The following GMDS variants were observed in gnomAD, a reference collection of about 807,000 sequenced individuals.
The protein encoded by GMDS is GDP-mannose 4,6-dehydratase, also known as GDP-mannose 4,6 dehydratase.
GMDS carries 20 observed loss-of-function variants against 49.9 expected under a neutral mutation model. The ratio of observed to expected loss-of-function variants is 0.40; its 90% CI spans 0.28 to 0.58. The LOEUF (loss-of-function observed/expected upper bound fraction) is 0.58. GMDS is among the 20% of genes least tolerant of loss of function. The pLI is 0.42. For missense variants in GMDS, 362 were observed against 481.4 expected (o/e 0.75, Z 2.32); for synonymous variants, 177 against 178.6 (o/e 0.99, Z 0.07).
chr6:1,629,912 A>G (rs1762949981), intron 9 of GMDS, among the ~76,000 whole-genome samples: 3 of 152,188 alleles, frequency 2.0e-5, no homozygotes, highest in Admixed American at 2.0e-4. Context: ...CGGCTAGTAC[A>G]GTAGAGCTTT....
At chr6:2,141,744 C>T (rs924868940) in intron 1 of GMDS, among the ~76,000 whole-genome samples, 4 of 152,204 alleles carry the variant, frequency 2.6e-5, no homozygotes, top group African/African-American at 9.6e-5. Context: ...AATACAGCAT[C>T]TCTGACCACA....
intron 4 of GMDS, among the ~76,000 whole-genome samples, chr6:2,019,980 AAT>A (rs1236694328): frequency 1.3e-5 from 2 of 152,126 alleles, no homozygotes; most frequent in Non-Finnish European, 2.9e-5. Flanking sequence ...TGCTTGATTC[AAT>A]CTGTTAATAT....
intron 9 of GMDS, among the ~76,000 whole-genome samples, chr6:1,669,348 T>C (rs900255247): frequency 1.3e-5 from 2 of 152,174 alleles, no homozygotes; most frequent in Non-Finnish European, 2.9e-5. Flanking sequence ...ACTCTGAGTC[T>C]ACACTCTGGA....
At chr6:1,991,166 G>T (rs1765914162) in intron 4 of GMDS, among the ~76,000 whole-genome samples, 1 of 151,952 alleles carries the variant, frequency 6.6e-6, no homozygotes, top group Admixed American at 6.5e-5. Flanking sequence ...CTCAAATGCT[G>T]TACTTGGATA....
chr6:2,142,715 C>T (rs1411689913), intron 1 of GMDS, among the ~76,000 whole-genome samples: 1 of 152,184 alleles, frequency 6.6e-6, no homozygotes. Context: ...AGTGGACTAA[C>T]ACAAGACCAA....
At chr6:2,105,539 C>A (rs1335272411) in intron 4 of GMDS, among the ~76,000 whole-genome samples, 1 of 152,106 alleles carries the variant, frequency 6.6e-6, no homozygotes, top group African/African-American at 2.4e-5. Context: ...ACAAAAAAAC[C>A]CTGTCCCCTA....
At chr6:1,907,556 T>C (rs1760837733) in intron 7 of GMDS, among the ~76,000 whole-genome samples, 1 of 152,236 alleles carries the variant, frequency 6.6e-6, no homozygotes, top group African/African-American at 2.4e-5. Flanking sequence ...GAAGGTATCA[T>C]CTCACTAACA....
In GMDS at chr6:2,198,778, T is replaced by C. The variant is rs576978290; in HGVS notation, c.102+46543A>G. ...GAAAAACTAAGCATTTTGAAATGCA[T>C]GGTGTCTGGAATAGAAAGGGTAGCA... On this transcript the variant is annotated intron_variant, in intron 1 of 10. Transcript: ENST00000380815. Among the ~76,000 whole-genome samples, 18 of 152,298 alleles carry C rather than the reference T, an allele frequency of 1.2e-4. No homozygotes were observed. In the South Asian group the frequency reaches 2.3e-3, roughly 19 times the overall value.
chr6:1,937,571 G>A (rs1417922145), intron 6 of GMDS, among the ~76,000 whole-genome samples: 1 of 152,148 alleles, frequency 6.6e-6, no homozygotes, highest in Admixed American at 6.5e-5. Context: ...CCCTGATGCT[G>A]TCTCAGCATG....
At chr6:1,827,830 G>A (rs1771193332) in intron 7 of GMDS, among the ~76,000 whole-genome samples, 3 of 152,086 alleles carry the variant, frequency 2.0e-5, no homozygotes, top group African/African-American at 7.2e-5. Flanking sequence ...GGAAGGGAAA[G>A]AACTGGATTT....
intron 7 of GMDS, among the ~76,000 whole-genome samples, chr6:1,815,741 T>A (rs1770635229): frequency 6.6e-6 from 1 of 152,192 alleles, no homozygotes; most frequent in African/African-American, 2.4e-5. Context: ...CTTTCTTTTT[T>A]AAATGAAAAG....
intron 7 of GMDS, among the ~76,000 whole-genome samples, chr6:1,760,963 G>A (rs879836637): frequency 2.6e-5 from 4 of 152,128 alleles, no homozygotes; most frequent in Non-Finnish European, 5.9e-5. Context: ...GATCAACACA[G>A]ATGAAAAGGG....
intron 6 of GMDS, among the ~76,000 whole-genome samples, chr6:1,942,084 G>A (rs1020658820): frequency 3.3e-5 from 5 of 152,116 alleles, no homozygotes; most frequent in African/African-American, 1.2e-4. Flanking sequence ...CTTCCTGGTC[G>A]GATCTTCCTC....
rs192417051 is a variant in GMDS, at chr6:1,683,056, C to A, written c.987+43360G>T. ...GCACGTGGGAGTCTCACTATGCCGACGTCGACATCCTGTCTCTTTGGGACT... is the reference window on the plus strand; with the variant it reads ...GCACGTGGGAGTCTCACTATGCCGAAGTCGACATCCTGTCTCTTTGGGACT... On this transcript the variant is annotated intron_variant, in intron 9 of 10. Transcript: ENST00000380815. Among the ~76,000 whole-genome samples the A allele has an allele frequency of 9.2e-5, 14 of 152,258 alleles. No homozygotes were observed. The South Asian group carries it at 2.9e-3, about 32-fold the overall frequency.
rs1055982671 is a variant in GMDS at position 1,766,738 on chromosome 6, C to T, written c.772-24152G>A. 2.0e-4 allele frequency among the ~76,000 whole-genome samples: 30 copies of T among 152,174 alleles called. No individual in the cohort carries two copies. Among genetic ancestry groups the T allele is most frequent in the Non-Finnish European group, 3.7e-4 (25 of 68,032 alleles). ...ACCAGTCTCACCAGATCTGCTTACACGGAGGAGCTGCACATCGAACATGCT... is the reference window on the plus strand; with the variant it reads ...ACCAGTCTCACCAGATCTGCTTACATGGAGGAGCTGCACATCGAACATGCT... On this transcript the variant is annotated intron_variant, in intron 7 of 10. Coordinates refer to ENST00000380815, the MANE Select transcript of GMDS (RefSeq NM_001500.4). The surrounding 1 kb of genome is among the most constrained non-coding windows in gnomAD (Gnocchi z 4.5).
intron 1 of GMDS, among the ~76,000 whole-genome samples, chr6:2,161,166 C>T (rs558974933): frequency 6.4e-4 from 97 of 152,080 alleles, no homozygotes; most frequent in African/African-American, 2.3e-3. Flanking sequence ...CACACCATCA[C>T]GCCCAGCTAA....
rs1021811004 is a variant in GMDS at position 1,760,893 on chromosome 6, C to T, written c.772-18307G>A. ...TTGCTCTTACTAACTTGACCTCACC[C>T]GGGACTGGGATGGTCTGTTGGCATA... On this transcript the variant is annotated intron_variant, in intron 7 of 10. Coordinates refer to ENST00000380815, the MANE Select transcript of GMDS (RefSeq NM_001500.4). Among the ~76,000 whole-genome samples, 12 of 152,232 alleles carry T rather than the reference C, an allele frequency of 7.9e-5. 1 individual carries two copies. The highest frequency in any genetic ancestry group is 2.2e-4 in the African/African-American group (9 of 41,538).
At chr6:2,066,043 G>T (rs1159736738) in intron 4 of GMDS, among the ~76,000 whole-genome samples, 2 of 152,208 alleles carry the variant, frequency 1.3e-5, no homozygotes, top group African/African-American at 2.4e-5. Context: ...TACCCTCAAA[G>T]GGAAGCCCAT....
intron 7 of GMDS, among the ~76,000 whole-genome samples, chr6:1,922,774 A>G (rs557569835): frequency 6.6e-6 from 1 of 152,216 alleles, no homozygotes; most frequent in African/African-American, 2.4e-5. Flanking sequence ...TCAGGGGAAG[A>G]CTTGTCCCGT....
Sources: allele counts gnomAD v4.1 joint callset (sites outside exome capture counted in the v4.1 genomes callset), GRCh38; gene constraint gnomAD v4.1.1; non-coding constraint Gnocchi (gnomAD v3.1); transcripts MANE v1.5; gene names NCBI Gene and HGNC (gene_info 2026-07-23, HGNC 2026-07-21).